CDC14A: variants seen among roughly 807,000 people sequenced by gnomAD.
CDC14A encodes dual specificity protein phosphatase CDC14A.
CDC14A carries 53 observed loss-of-function variants against 74.4 expected under a neutral mutation model. That is an observed-to-expected ratio of 0.71 (90% CI 0.57 to 0.89). The LOEUF is 0.89. Ranked by LOEUF, CDC14A falls within the 40% of genes least tolerant of loss-of-function variation. The pLI is 0.00. For synonymous variants in CDC14A, 247 were observed against 258.4 expected (o/e 0.96, Z 0.43); for missense variants, 646 against 713.7 (o/e 0.91, Z 1.08).
intron 15 of CDC14A, among the ~76,000 whole-genome samples, chr1:100,512,462 AT>A (rs940548688): frequency 6.6e-5 from 10 of 151,934 alleles, no homozygotes; most frequent in Admixed American, 2.0e-4. Flanking sequence ...GGAGTTGTGT[AT>A]TTTTTTTCTA....
chr1:100,476,976 G>A (rs556070433), intron 10 of CDC14A, among the ~76,000 whole-genome samples: 7 of 152,254 alleles, frequency 4.6e-5, no homozygotes, highest in Non-Finnish European at 7.4e-5. Context: ...AGGAGAAGCC[G>A]ATGTGATGAC....
intron 13 of CDC14A, 65 bp from the exon 14 acceptor site, chr1:100,498,016 CTAGT>C: frequency 6.7e-7 from 1 of 1,492,948 alleles, no homozygotes. Flanking sequence ...TTATCTTGTC[CTAGT>C]TAGTTGCTGA....
chr1:100,371,803 C>T (rs1437448606), intron 2 of CDC14A, among the ~76,000 whole-genome samples: 1 of 152,042 alleles, frequency 6.6e-6, no homozygotes, highest in Non-Finnish European at 1.5e-5. Flanking sequence ...CAAATTCTAC[C>T]AGTGTCAATA....
intron 13 of CDC14A, 83 bp from the exon 14 acceptor site, chr1:100,498,002 T>G: frequency 7.1e-7 from 1 of 1,415,442 alleles, no homozygotes. Flanking sequence ...TAAGATTGAT[T>G]AATTTATCTT....
At position 100,495,999 on chromosome 1, in the gene CDC14A, C is replaced by T; in HGVS notation, c.1251-3C>T. 1 of 1,613,408 alleles carries T rather than the reference C, an allele frequency of 6.2e-7. No homozygotes were observed. Among genetic ancestry groups the T allele is most frequent in the Non-Finnish European group, 8.5e-7 (1 of 1,179,414 alleles). ...TGTGAGCATCTGTCTTTGATTTCCGCAGGTCAGATGATACAAAAGGACATC... is the reference window on the plus strand; with the variant it reads ...TGTGAGCATCTGTCTTTGATTTCCGTAGGTCAGATGATACAAAAGGACATC... On this transcript the variant is annotated splice_region_variant and splice_polypyrimidine_tract_variant and intron_variant, in intron 12 of 15. Coordinates refer to ENST00000336454, the MANE Select transcript of CDC14A (RefSeq NM_003672.4).
intron 2 of CDC14A, among the ~76,000 whole-genome samples, chr1:100,355,650 G>A (rs975703943): frequency 2.0e-5 from 3 of 152,162 alleles, no homozygotes; most frequent in African/African-American, 4.8e-5. Flanking sequence ...TGGGCAGAGT[G>A]TGTACTTTTC....
At chr1:100,390,631 G>C in intron 3 of CDC14A, 101 bp from the exon 4 acceptor site, 1 of 714,118 alleles carries the variant, frequency 1.4e-6, no homozygotes, top group South Asian at 1.7e-5. Flanking sequence ...AAATTTTATG[G>C]GTTGTAGCAC....
At chr1:100,386,737 T>C (rs555097138) in intron 3 of CDC14A, among the ~76,000 whole-genome samples, 1 of 152,312 alleles carries the variant, frequency 6.6e-6, no homozygotes, top group East Asian at 1.9e-4. Context: ...TTTAGAGGCA[T>C]GATATTCTCC....
chr1:100,452,151 T>C (rs1055456155), intron 7 of CDC14A, among the ~76,000 whole-genome samples: 1 of 152,178 alleles, frequency 6.6e-6, no homozygotes, highest in African/African-American at 2.4e-5. Flanking sequence ...TCAAATAGTT[T>C]TCAGTGTTTG....
At chr1:100,395,263 G>A (rs1324597319) in intron 4 of CDC14A, among the ~76,000 whole-genome samples, 1 of 152,134 alleles carries the variant, frequency 6.6e-6, no homozygotes, top group East Asian at 1.9e-4. Context: ...ATATCCAACT[G>A]CCTGTTTGAT....
chr1:100,348,281 CAAA>C (rs59269474), upstream of CDC14A, among the ~76,000 whole-genome samples: 66 of 87,196 alleles, frequency 7.6e-4, no homozygotes, highest in Non-Finnish European at 1.1e-3. Flanking sequence ...GACTCCATTT[CAAA>C]AAAAAAAAAA....
intron 2 of CDC14A, among the ~76,000 whole-genome samples, chr1:100,377,228 T>TG (rs1655394554): frequency 6.6e-6 from 1 of 152,004 alleles, no homozygotes; most frequent in African/African-American, 2.4e-5. Context: ...TTAGTAGAGA[T>TG]GGGGTTTCTC....
At chr1:100,512,642 C>T (rs1020492654) in intron 15 of CDC14A, among the ~76,000 whole-genome samples, 6 of 152,118 alleles carry the variant, frequency 3.9e-5, no homozygotes, top group African/African-American at 9.7e-5. Flanking sequence ...TGTTGAAAAG[C>T]ATATATTAAA....
At position 100,431,678 on chromosome 1, in the gene CDC14A, C is replaced by CA. The variant is rs999779817; in HGVS notation, c.389+7387dup. Among the ~76,000 whole-genome samples, 147 of 143,180 alleles carry CA rather than the reference C, an allele frequency of 1.0e-3. 2 individuals are homozygous for CA. The East Asian group carries it at 0.014, about 14-fold the overall frequency. 93.9% of individuals were successfully genotyped at this position (143,180 alleles called of 152,430 possible). A position where few individuals can be genotyped will look rare whatever the true frequency, so the allele number is the denominator to read the frequency against. On this transcript the variant is annotated intron_variant, in intron 5 of 15. Coordinates refer to ENST00000336454, the MANE Select transcript of CDC14A (RefSeq NM_003672.4). ...GTAACATAGTAAGACCTGGTCTCTA[C>CA]AAAAAAAAAATAAAAATAAAAATTA...
intron 4 of CDC14A, among the ~76,000 whole-genome samples, chr1:100,419,148 T>G (rs1276661846): frequency 1.3e-5 from 2 of 152,204 alleles, no homozygotes; most frequent in Non-Finnish European, 2.9e-5. Context: ...ATTGTGCCAC[T>G]GCACTCCAGC....
chr1:100,506,584 T>C (rs1649259522), intron 15 of CDC14A, among the ~76,000 whole-genome samples: 3 of 152,254 alleles, frequency 2.0e-5, no homozygotes, highest in Non-Finnish European at 2.9e-5. Flanking sequence ...TGTTAAATAG[T>C]AGTTTATGTT....
intron 4 of CDC14A, among the ~76,000 whole-genome samples, chr1:100,420,063 C>CACAT: frequency 0.047 from 2,919 of 61,550 alleles, 163 homozygotes; most frequent in Middle Eastern, 0.11. Flanking sequence ...CACACACACA[C>CACAT]ATATATATAT....
chr1:100,505,600 G>A (rs992755822), intron 15 of CDC14A, among the ~76,000 whole-genome samples: 1 of 152,222 alleles, frequency 6.6e-6, no homozygotes, highest in African/African-American at 2.4e-5. Context: ...CTTACTGATT[G>A]TTTGAATATC....
intron 10 of CDC14A, among the ~76,000 whole-genome samples, chr1:100,480,683 C>T (rs1242246132): frequency 1.3e-5 from 2 of 152,134 alleles, no homozygotes; most frequent in African/African-American, 4.8e-5. Flanking sequence ...GTTTTGTGTG[C>T]TCTGAATAAA....
Sources: allele counts gnomAD v4.1 joint callset (sites outside exome capture counted in the v4.1 genomes callset), GRCh38; gene constraint gnomAD v4.1.1; transcripts MANE v1.5; gene names NCBI Gene and HGNC (gene_info 2026-07-23, HGNC 2026-07-21).